NUP88: variants seen among roughly 807,000 people sequenced by gnomAD.
NUP88 encodes the protein nucleoporin 88, also known as nuclear pore complex protein Nup88.
Under a neutral mutation model 93.9 loss-of-function variants are expected in NUP88, and 57 were observed. That is an observed-to-expected ratio of 0.61 (90% CI 0.49 to 0.76). The LOEUF is 0.76. Among genes scored for constraint, NUP88 ranks in the 30% least tolerant of loss-of-function variants. NUP88 has a pLI of 0.00. For missense variants in NUP88, 911 were observed against 901.0 expected, an observed-to-expected ratio of 1.01 and a Z score of -0.14; for synonymous variants, 346 against 336.8, an observed-to-expected ratio of 1.03 and a Z score of -0.30.
At chr17:5,388,279 C>G (rs955968639) in intron 11 of NUP88, 17 of 166,430 alleles carry the variant, frequency 1.0e-4, no homozygotes, top group African/African-American at 3.7e-4. Context: ...GGGATTACAG[C>G]TGTAAGCCAC....
At chr17:5,400,894 A>G (rs558599626) in intron 7 of NUP88, among the ~76,000 whole-genome samples, 1 of 152,278 alleles carries the variant, frequency 6.6e-6, no homozygotes, top group East Asian at 1.9e-4. Context: ...TTGTTTGACA[A>G]TCATTTATAA....
chr17:5,399,190 C>CATTT (rs1443063457), intron 8 of NUP88, among the ~76,000 whole-genome samples: 63 of 123,470 alleles, frequency 5.1e-4, no homozygotes, highest in Non-Finnish European at 8.6e-4. Flanking sequence ...CGCACCCGGC[C>CATTT]TTTTTTTTTT....
chr17:5,392,747 C>A (rs1912519567), intron 9 of NUP88, among the ~76,000 whole-genome samples: 1 of 152,170 alleles, frequency 6.6e-6, no homozygotes, highest in Non-Finnish European at 1.5e-5. Flanking sequence ...CACTCCTAGG[C>A]AAGACTGTTT....
In NUP88 at chr17:5,386,279, T is replaced by C. The variant is rs1159356738; in HGVS notation, c.2163-10A>G. 6.3e-7 allele frequency: 1 copy of C among 1,594,872 alleles called. No individual in the cohort carries two copies. On this transcript the variant is annotated splice_polypyrimidine_tract_variant and intron_variant, in intron 16 of 16. Coordinates refer to ENST00000573584, the MANE Select transcript of NUP88 (RefSeq NM_002532.6). ...CCTTATATGTTCACCCCTGTAAAAT[T>C]GTAAAGTCACTCACTTTTGGAATTA...
intron 9 of NUP88, among the ~76,000 whole-genome samples, chr17:5,392,458 T>TC (rs370344123): frequency 3.1e-4 from 47 of 152,320 alleles, no homozygotes; most frequent in Middle Eastern, 3.4e-3. Context: ...TAGTTCCCCT[T>TC]CCATAGCTCC....
At chr17:5,386,948 A>G in intron 15 of NUP88, 36 bp downstream of exon 15, 3 of 1,604,248 alleles carry the variant, frequency 1.9e-6, no homozygotes, top group African/African-American at 1.3e-5. Context: ...CTTTAAGAAA[A>G]ATTACCAAAT....
In NUP88 at chr17:5,408,696, G is replaced by A. The variant is rs1913641589; in HGVS notation, c.857+37C>T. On this transcript the variant is annotated intron_variant, in intron 5 of 16. Coordinates refer to ENST00000573584, the MANE Select transcript of NUP88 (RefSeq NM_002532.6). ...AATGATATCTACTGGAGCCCAAACT[G>A]AGTTTTCATTTCAGGTGGGTGACCA... is the stretch of plus-strand genomic sequence containing the variant. The A allele has an allele frequency of 2.0e-6, 3 of 1,516,800 alleles. No homozygotes were observed. The African/African-American group carries it at 4.2e-5, about 21-fold the overall frequency. The allele number at this position is 1,516,800 out of a possible 1,614,324, so 94.0% of individuals were successfully genotyped here. A position where few individuals can be genotyped will look rare whatever the true frequency, so the allele number is the denominator to read the frequency against.
intron 14 of NUP88, 111 bp from the exon 15 acceptor site, chr17:5,387,221 G>A: frequency 1.3e-5 from 18 of 1,349,464 alleles, no homozygotes; most frequent in Non-Finnish European, 1.9e-5. Context: ...GGCCCCATAG[G>A]AAGGGTTAGG....
At position 5,386,965 on chromosome 17, in the gene NUP88, A is replaced by T. The variant is rs1567563009; in HGVS notation, c.2043+19T>A. ...TTAAGAAAAATTACCAAATTTAGCT[A>T]GTTTGGATCTATTCCTACCTGTTTG... On this transcript the variant is annotated intron_variant, in intron 15 of 16. Transcript: ENST00000573584. 6 of 1,608,156 alleles carry T rather than the reference A, an allele frequency of 3.7e-6. No individual in the cohort carries two copies. Among genetic ancestry groups the T allele is most frequent in the Non-Finnish European group, 5.1e-6 (6 of 1,178,336 alleles).
intron 1 of NUP88, among the ~76,000 whole-genome samples, chr17:5,418,755 C>T (rs1914368949): frequency 6.6e-6 from 1 of 152,196 alleles, no homozygotes; most frequent in African/African-American, 2.4e-5. Context: ...CTGTGTATTA[C>T]AAATAAACAT....
chr17:5,406,679 T>A (rs1913510907), intron 5 of NUP88, among the ~76,000 whole-genome samples: 1 of 151,998 alleles, frequency 6.6e-6, no homozygotes, highest in African/African-American at 2.4e-5. Flanking sequence ...ATCAGGGGTG[T>A]CCAATCTTTT....
intron 9 of NUP88, among the ~76,000 whole-genome samples, chr17:5,392,945 A>G (rs1226764945): frequency 6.6e-6 from 1 of 151,448 alleles, no homozygotes; most frequent in African/African-American, 2.4e-5. Context: ...ACATGCTACC[A>G]CAGTGGCTAA....
intron 9 of NUP88, 35 bp downstream of exon 9, chr17:5,394,856 T>G: frequency 7.3e-7 from 1 of 1,370,510 alleles, no homozygotes; most frequent in Non-Finnish European, 1.0e-6. Context: ...AATGAACAAT[T>G]GTTTTCTGAT....
chr17:5,397,988 T>C (rs1027339057), intron 8 of NUP88, among the ~76,000 whole-genome samples: 2 of 150,342 alleles, frequency 1.3e-5, no homozygotes, highest in Non-Finnish European at 3.0e-5. Context: ...AATACAGCAG[T>C]CTCTACCTCC....
chr17:5,405,094 C>T lies in NUP88; in HGVS notation c.1007G>A (p.Cys336Tyr). 1.2e-6 allele frequency: 2 copies of T among 1,614,158 alleles called. No homozygotes were observed. Among genetic ancestry groups the T allele is most frequent in the East Asian group, 4.5e-5 (2 of 44,888 alleles). Residue 336 changes from cysteine to tyrosine, a missense_variant, in exon 6 of 17, where the codon TGT becomes TAT. Physicochemically the swap from Cys to Tyr is radical, Grantham distance 194 (BLOSUM62 -2). Coordinates refer to ENST00000573584, the MANE Select transcript of NUP88 (RefSeq NM_002532.6). ...IATESGMLYH[C>Y]VVLEGEEEDD... is the part of the protein sequence containing the mutation. ...TTCTTCTTCCCCTTCTAGCACGACA[C>T]AGTGATACAGCATTCCTGATTCAGT...
chr17:5,394,487 G>A (rs1056292746), intron 9 of NUP88, among the ~76,000 whole-genome samples: 1 of 152,084 alleles, frequency 6.6e-6, no homozygotes, highest in East Asian at 1.9e-4. Flanking sequence ...CGGTAGTGGC[G>A]ACAGACATTA....
chr17:5,410,902 A>G (rs1359945846), intron 3 of NUP88, 113 bp from the exon 4 acceptor site: 5 of 699,286 alleles, frequency 7.2e-6, no homozygotes, highest in Non-Finnish European at 1.3e-5. Context: ...ACTTATCACA[A>G]CTATTTCTTT....
intron 8 of NUP88, among the ~76,000 whole-genome samples, chr17:5,398,975 G>A (rs1238471923): frequency 3.4e-5 from 5 of 146,244 alleles, no homozygotes; most frequent in Admixed American, 7.0e-5. Flanking sequence ...TGCAAGCTCC[G>A]CCTCCCAGGT....
At chr17:5,410,830 GTTTTC>G in intron 3 of NUP88, 41 bp from the exon 4 acceptor site, 1 of 1,353,830 alleles carries the variant, frequency 7.4e-7, no homozygotes, top group Admixed American at 1.9e-5. Context: ...TTAAAATTCT[GTTTTC>G]ATTTCCCAAA....
Sources: gnomAD v4.1 joint callset for allele counts (sites outside exome capture counted in the v4.1 genomes callset) on GRCh38, gnomAD v4.1.1 for gene constraint, MANE v1.5 for transcripts, NCBI Gene and HGNC (gene_info 2026-07-23, HGNC 2026-07-21) for gene names.